KCNH7: variants seen among roughly 807,000 people sequenced by gnomAD.
KCNH7 encodes voltage-gated inwardly rectifying potassium channel KCNH7.
A neutral mutation model predicts 120.8 loss-of-function variants in KCNH7; 49 were observed. The observed-to-expected ratio is 0.41, with a 90% confidence interval of 0.32 to 0.51. The LOEUF is 0.51. KCNH7 is among the 20% of genes least tolerant of loss of function. The probability of loss-of-function intolerance (pLI) is 0.38; values close to 1 mark genes in which losing one functional copy is unlikely to be tolerated. For missense variants in KCNH7, 1,097 were observed against 1,446.6 expected, an observed-to-expected ratio of 0.76 and a Z score of 3.92; for synonymous variants, 547 against 516.1, an observed-to-expected ratio of 1.06 and a Z score of -0.81.
At chr2:162,609,904 G>A (rs1682906960) in intron 2 of KCNH7, among the ~76,000 whole-genome samples, 1 of 152,172 alleles carries the variant, frequency 6.6e-6, no homozygotes, top group Admixed American at 6.5e-5. Context: ...GTCAGGAAGA[G>A]TCTGAATCCA....
chr2:162,421,998 G>A (rs1342292717), intron 9 of KCNH7, among the ~76,000 whole-genome samples: 1 of 152,026 alleles, frequency 6.6e-6, no homozygotes, highest in Non-Finnish European at 1.5e-5. Flanking sequence ...TAATAGTGAT[G>A]GAAATATAGA....
intron 2 of KCNH7, among the ~76,000 whole-genome samples, chr2:162,612,142 A>G (rs1339457666): frequency 1.3e-5 from 2 of 152,216 alleles, no homozygotes; most frequent in East Asian, 3.8e-4. Context: ...GTGAGTTCCA[A>G]AAATGGATGA....
chr2:162,387,790 T>C (rs1686619777), intron 12 of KCNH7, among the ~76,000 whole-genome samples: 1 of 151,838 alleles, frequency 6.6e-6, no homozygotes, highest in African/African-American at 2.4e-5. Context: ...AGTGTCCTAA[T>C]GGAACGACTG....
chr2:162,638,900 C>T lies in KCNH7; in HGVS notation c.308-101820G>A, dbSNP rs575281250. ...CTGCAAGCTATTTTTAACATATTCA[C>T]GCACAGACATCTATCCATATAAATC... On this transcript the variant is annotated intron_variant, in intron 2 of 15. Transcript: ENST00000332142. Among the ~76,000 whole-genome samples, 10 of 152,252 alleles carry T rather than the reference C, an allele frequency of 6.6e-5. No homozygotes were observed. The East Asian group carries it at 7.7e-4, about 12-fold the overall frequency.
intron 4 of KCNH7, among the ~76,000 whole-genome samples, chr2:162,517,471 C>T (rs187481335): frequency 1.3e-5 from 2 of 151,766 alleles, no homozygotes; most frequent in South Asian, 2.1e-4. Context: ...TTAATTAACA[C>T]TCCATGTGGT....
intron 6 of KCNH7, among the ~76,000 whole-genome samples, chr2:162,460,521 A>G (rs1234654425): frequency 6.6e-6 from 1 of 152,212 alleles, no homozygotes; most frequent in East Asian, 1.9e-4. Context: ...ATACAGAGAC[A>G]GAAACCCAGG....
At chr2:162,633,180 AAC>A (rs1373203892) in intron 2 of KCNH7, among the ~76,000 whole-genome samples, 2 of 151,902 alleles carry the variant, frequency 1.3e-5, no homozygotes, top group African/African-American at 4.8e-5. Context: ...TGTTTTAGGT[AAC>A]ACACGGGGGT....
intron 2 of KCNH7, among the ~76,000 whole-genome samples, chr2:162,811,865 C>G (rs943024007): frequency 1.3e-5 from 2 of 152,032 alleles, no homozygotes; most frequent in Non-Finnish European, 2.9e-5. Context: ...GTAGACTCTT[C>G]TGAACAAAGT....
intron 2 of KCNH7, among the ~76,000 whole-genome samples, chr2:162,579,941 C>T (rs1174765626): frequency 3.3e-5 from 5 of 151,980 alleles, no homozygotes; most frequent in Non-Finnish European, 5.9e-5. Context: ...AGAAGTATAA[C>T]TTGTTTTCTT....
chr2:162,473,419 A>C (rs1361848114), intron 6 of KCNH7, among the ~76,000 whole-genome samples: 1 of 152,156 alleles, frequency 6.6e-6, no homozygotes, highest in Non-Finnish European at 1.5e-5. Flanking sequence ...TTAGAACTGC[A>C]TATGAGGAGA....
chr2:162,745,296 G>A (rs1688277489), intron 2 of KCNH7, among the ~76,000 whole-genome samples: 1 of 152,086 alleles, frequency 6.6e-6, no homozygotes, highest in Non-Finnish European at 1.5e-5. Context: ...TACCTTAAAA[G>A]AGGCTCACTT....
At chr2:162,656,542 A>G (rs1479673556) in intron 2 of KCNH7, among the ~76,000 whole-genome samples, 6 of 152,176 alleles carry the variant, frequency 3.9e-5, no homozygotes, top group Admixed American at 3.9e-4. Flanking sequence ...TGATTTAGTG[A>G]AAATGATGAG....
intron 2 of KCNH7, among the ~76,000 whole-genome samples, chr2:162,668,103 A>C (rs1198238661): frequency 1.3e-5 from 2 of 152,176 alleles, no homozygotes; most frequent in Non-Finnish European, 2.9e-5. Flanking sequence ...GAATTCTTTT[A>C]TGATATTTTT....
At chr2:162,657,544 C>A (rs1165450647) in intron 2 of KCNH7, among the ~76,000 whole-genome samples, 3 of 151,968 alleles carry the variant, frequency 2.0e-5, no homozygotes, top group African/African-American at 7.3e-5. Flanking sequence ...AATAATATTC[C>A]ATCGTATGGA....
At chr2:162,508,600 A>G (rs1013036234) in intron 5 of KCNH7, among the ~76,000 whole-genome samples, 6 of 151,492 alleles carry the variant, frequency 4.0e-5, no homozygotes, top group Non-Finnish European at 7.4e-5. Flanking sequence ...AATGCAAATG[A>G]AAAAAATTTC....
chr2:162,506,938 A>G (rs1346124461), intron 5 of KCNH7, among the ~76,000 whole-genome samples: 2 of 151,872 alleles, frequency 1.3e-5, no homozygotes, highest in African/African-American at 4.8e-5. Flanking sequence ...ATTGCCTTAC[A>G]TGCCTCGAGG....
intron 9 of KCNH7, among the ~76,000 whole-genome samples, chr2:162,422,805 G>C (rs1273352272): frequency 3.3e-5 from 5 of 152,082 alleles, no homozygotes; most frequent in Non-Finnish European, 5.9e-5. Context: ...AGCGTAGATT[G>C]TTTAAAATAT....
chr2:162,610,842 G>T (rs563504455), intron 2 of KCNH7, among the ~76,000 whole-genome samples: 1 of 152,192 alleles, frequency 6.6e-6, no homozygotes, highest in African/African-American at 2.4e-5. Context: ...GTCATAGAAG[G>T]TATTAAATGA....
chr2:162,402,379 T>G (rs893724738), intron 9 of KCNH7, among the ~76,000 whole-genome samples: 1 of 146,984 alleles, frequency 6.8e-6, no homozygotes, highest in African/African-American at 2.5e-5. Flanking sequence ...TCTAAAATGC[T>G]GGCCACTTTG....
Sources: allele counts gnomAD v4.1 joint callset (sites outside exome capture counted in the v4.1 genomes callset), GRCh38; gene constraint gnomAD v4.1.1; transcripts MANE v1.5; gene names NCBI Gene and HGNC (gene_info 2026-07-23, HGNC 2026-07-21).